Variants in GPR155 observed in about 807,000 individuals in gnomAD.
The protein encoded by GPR155 is G protein-coupled receptor 155.
In GPR155, 65 loss-of-function variants were observed where a neutral mutation model predicts 93.1. The observed-to-expected ratio is 0.70, with a 90% CI of 0.57 to 0.86. GPR155 has a LOEUF of 0.86. GPR155 is among the 40% of genes least tolerant of loss of function. The pLI is 0.00. For synonymous variants in GPR155, 319 were observed against 360.1 expected (o/e 0.89, Z 1.29); for missense variants, 838 against 1,034.8 (o/e 0.81, Z 2.61).
rs1202714432 is a variant in GPR155 at position 174,432,528 on chromosome 2, A to G, written c.*3588T>C. On this transcript the variant is annotated 3_prime_UTR_variant, in exon 16 of 16. Coordinates refer to ENST00000392552, the MANE Select transcript of GPR155 (RefSeq NM_152529.7). ...GTTGTCTGCATGCATGTGAATTAAC[A>G]TCTTTATTACTGTAACTAGAAAAAT... 3 of 152,180 alleles carry G rather than the reference A, an allele frequency of 2.0e-5. No individual in the cohort carries two copies. The highest frequency in any genetic ancestry group is 2.9e-5 in the Non-Finnish European group (2 of 68,034). The allele number at this position is 152,180 out of a possible 1,614,324, so 9.4% of individuals were successfully genotyped here. A position where few individuals can be genotyped will look rare whatever the true frequency, so the allele number is the denominator to read the frequency against.
chr2:174,436,015 CAGAG>C lies in GPR155; in HGVS notation c.*97_*100del. The C allele has an allele frequency of 1.2e-6, 1 of 852,636 alleles. No individual in the cohort carries two copies. The highest frequency in any genetic ancestry group is 1.9e-6 in the Non-Finnish European group (1 of 526,812). The allele number at this position is 852,636 out of a possible 1,614,324, so 52.8% of individuals were successfully genotyped here. On this transcript the variant is annotated 3_prime_UTR_variant, in exon 16 of 16. Coordinates refer to ENST00000392552, the MANE Select transcript of GPR155 (RefSeq NM_152529.7). ...TTTTACAGAAGAGACAACTGAGGCT[CAGAG>C]AGGTTGCCTCTGTTAACTTGCCCAA...
At chr2:174,446,806 A>C in intron 11 of GPR155, 59 bp from the exon 12 acceptor site, 1 of 1,482,702 alleles carries the variant, frequency 6.7e-7, no homozygotes, top group Non-Finnish European at 9.4e-7. Flanking sequence ...ATGCATTTTA[A>C]ATTTGTAATG....
chr2:174,448,833 G>A (rs565986305), intron 11 of GPR155, among the ~76,000 whole-genome samples: 5 of 152,112 alleles, frequency 3.3e-5, no homozygotes, highest in Admixed American at 1.3e-4. Flanking sequence ...CACCGCGCCC[G>A]GCCTACTGGG....
intron 2 of GPR155, 82 bp downstream of exon 2, chr2:174,481,415 G>T: frequency 1.3e-6 from 1 of 798,120 alleles, no homozygotes; most frequent in Non-Finnish European, 2.0e-6. Context: ...TTAGATATGA[G>T]AGTAAGAATC....
intron 1 of GPR155, among the ~76,000 whole-genome samples, chr2:174,485,557 A>G (rs539464021): frequency 2.7e-5 from 4 of 150,618 alleles, no homozygotes; most frequent in African/African-American, 9.8e-5. Context: ...AGATCCTGCC[A>G]TTGCCCTCCA....
Position 174,445,188 on chromosome 2 carries a change from G to A in GPR155, c.2014-12C>T. 7.5e-7 allele frequency: 1 copy of A among 1,334,932 alleles called. No homozygotes were observed. Among genetic ancestry groups the A allele is most frequent in the Non-Finnish European group, 1.1e-6 (1 of 926,872 alleles). 82.7% of individuals were successfully genotyped at this position (1,334,932 alleles called of 1,614,324 possible). A position where few individuals can be genotyped will look rare whatever the true frequency, so the allele number is the denominator to read the frequency against. On this transcript the variant is annotated splice_polypyrimidine_tract_variant and intron_variant, in intron 12 of 15. Transcript: ENST00000392552. ...CAACTGGAAAGATTCTGTAAAGAAA[G>A]GAGAAAAGAGTATTTTAAAATCAAG...
chr2:174,480,615 A>G (rs933814618), intron 2 of GPR155, among the ~76,000 whole-genome samples: 2 of 152,202 alleles, frequency 1.3e-5, no homozygotes, highest in Non-Finnish European at 2.9e-5. Flanking sequence ...TAAAACATAT[A>G]CACATAGAAA....
At chr2:174,469,744 G>A (rs539164472) in intron 4 of GPR155, among the ~76,000 whole-genome samples, 2 of 151,988 alleles carry the variant, frequency 1.3e-5, no homozygotes, top group Non-Finnish European at 2.9e-5. Context: ...AAATAAAATA[G>A]TTAAAACTAA....
In GPR155 at chr2:174,461,684, A is replaced by C. The variant is rs151058511; in HGVS notation, c.1385-12T>G. 576 of 1,422,548 alleles carry C rather than the reference A, an allele frequency of 4.0e-4. 1 individual carries two copies. In the African/African-American group the frequency reaches 7.2e-3, roughly 18 times the overall value. The allele number at this position is 1,422,548 out of a possible 1,614,324, so 88.1% of individuals were successfully genotyped here. A position where few individuals can be genotyped will look rare whatever the true frequency, so the allele number is the denominator to read the frequency against. On this transcript the variant is annotated splice_polypyrimidine_tract_variant and intron_variant, in intron 7 of 15. Coordinates refer to ENST00000392552, the MANE Select transcript of GPR155 (RefSeq NM_152529.7). ...AATTGCTAGAAGGCCTAAGAATAAG[A>C]AGATTGAAAGAGAGACAGTTACTCA...
chr2:174,445,135 A>G lies in GPR155; in HGVS notation c.2055T>C (p.Pro685=), dbSNP rs763917711. Residue 685 remains proline, a synonymous_variant, in exon 13 of 16, where the codon CCT becomes CCC. Transcript: ENST00000392552. ...ACTGTAACTCAACATAAAGTCTTCC[A>G]GGCTCTTGGTTGAATAGCCACCATA... ...SCLWWLFNQE[P]GRLYVELQFF... 18 of 1,601,860 alleles carry G rather than the reference A, an allele frequency of 1.1e-5. No individual in the cohort carries two copies. Among genetic ancestry groups the G allele is most frequent in the Non-Finnish European group, 1.5e-5 (17 of 1,168,936 alleles).
At chr2:174,472,237 C>T (rs1230967224) in intron 3 of GPR155, among the ~76,000 whole-genome samples, 1 of 152,110 alleles carries the variant, frequency 6.6e-6, no homozygotes, top group African/African-American at 2.4e-5. Context: ...GAAATCCCGT[C>T]TCTACTAAAA....
intron 10 of GPR155, among the ~76,000 whole-genome samples, chr2:174,455,835 G>A (rs781703591): frequency 4.6e-5 from 7 of 152,106 alleles, no homozygotes; most frequent in Non-Finnish European, 8.8e-5. Flanking sequence ...AGAAAGAGAC[G>A]TAAATAATTT....
chr2:174,453,756 C>T lies in GPR155; in HGVS notation c.1857G>A (p.Val619=), dbSNP rs1356988355. 1.9e-6 allele frequency: 3 copies of T among 1,600,132 alleles called. No homozygotes were observed. The highest frequency in any genetic ancestry group is 2.6e-6 in the Non-Finnish European group (3 of 1,169,612). ...PIANTSTSEP[V]IPSFEKNNHC... ...ACTTACTTTTCTCAAACGAAGGAAT[C>T]ACAGGCTCACTGGTGCTTGTGTTTG... The change falls in exon 11 of 16, where the codon GTG becomes GTA. Residue 619 remains valine, a synonymous_variant. Transcript: ENST00000392552.
At chr2:174,437,607 A>T in intron 15 of GPR155, among the ~76,000 whole-genome samples, 1 of 124,276 alleles carries the variant, frequency 8.0e-6, no homozygotes, top group Non-Finnish European at 1.6e-5. Flanking sequence ...TTTGAGACAA[A>T]GTTTCACTCT....
intron 10 of GPR155, among the ~76,000 whole-genome samples, chr2:174,454,619 G>A (rs1393703277): frequency 6.6e-6 from 1 of 150,650 alleles, no homozygotes; most frequent in Non-Finnish European, 1.5e-5. Context: ...GCTCCAGCCT[G>A]GGGAAAGAAG....
At chr2:174,454,373 G>T (rs1297801818) in intron 10 of GPR155, among the ~76,000 whole-genome samples, 1 of 152,132 alleles carries the variant, frequency 6.6e-6, no homozygotes, top group Admixed American at 6.6e-5. Context: ...CCGACCTCAG[G>T]CGATCTGCCC....
chr2:174,444,328 T>C (rs1687050806), intron 13 of GPR155, among the ~76,000 whole-genome samples: 1 of 151,440 alleles, frequency 6.6e-6, no homozygotes, highest in Non-Finnish European at 1.5e-5. Context: ...GACAGGAGAA[T>C]TGCTTGAACC....
chr2:174,465,650 G>T (rs1354577389), intron 7 of GPR155, 135 bp downstream of exon 7: 2 of 530,702 alleles, frequency 3.8e-6, no homozygotes, highest in Non-Finnish European at 6.9e-6. Flanking sequence ...GGCCTCTGTG[G>T]GTGGGCTGAT....
At position 174,473,125 on chromosome 2, in the gene GPR155, C is replaced by T. The variant is rs1559116746; in HGVS notation, c.700G>A (p.Asp234Asn). 1 of 1,610,294 alleles carries T rather than the reference C, an allele frequency of 6.2e-7. No homozygotes were observed. Among genetic ancestry groups the T allele is most frequent in the South Asian group, 1.1e-5 (1 of 89,790 alleles). The change falls in exon 3 of 16, where the codon GAT (aspartate) becomes AAT (asparagine). Residue 234 changes from aspartate (D) to asparagine (N), a missense_variant. This residue lies in a region of GPR155 where 663 missense variants were observed against 790.1 expected (regional missense o/e 0.84). Coordinates refer to ENST00000392552, the MANE Select transcript of GPR155 (RefSeq NM_152529.7). Reference sequence around the variant, plus strand: ...TCGACATATACAGGTACCTTTCGATCAAGAATAAAATTGAAGGCGATGCCA... The same window carrying T: ...TCGACATATACAGGTACCTTTCGATTAAGAATAAAATTGAAGGCGATGCCA... ...FIGIAFNFIL[D>N]RKVPVYVENF...
Sources: gnomAD v4.1 joint callset for allele counts (sites outside exome capture counted in the v4.1 genomes callset) on GRCh38, gnomAD v4.1.1 for gene constraint, gnomAD v4.1.1 regional missense constraint, MANE v1.5 for transcripts, NCBI Gene and HGNC (gene_info 2026-07-23, HGNC 2026-07-21) for gene names.